Variants in MCM3AP observed in about 807,000 individuals in gnomAD.
The protein encoded by MCM3AP is germinal-center associated nuclear protein.
MCM3AP carries 126 observed loss-of-function variants against 184.1 expected under a neutral mutation model. The observed-to-expected ratio is 0.68, with a 90% CI of 0.59 to 0.79. The LOEUF is 0.79. Ranked by LOEUF, MCM3AP falls within the 30% of genes least tolerant of loss-of-function variation. The pLI, the probability that MCM3AP is intolerant of heterozygous loss-of-function variation, is 0.00. For missense variants in MCM3AP, 2,496 were observed against 2,479.2 expected (o/e 1.01, Z -0.14); for synonymous variants, 1,002 against 979.3 (o/e 1.02, Z -0.43).
chr21:46,268,667 G>A (rs984790897), intron 9 of MCM3AP, among the ~76,000 whole-genome samples: 8 of 152,246 alleles, frequency 5.3e-5, no homozygotes, highest in Non-Finnish European at 7.3e-5. Flanking sequence ...ACAGGGCTGC[G>A]GGGACAGGAG....
intron 26 of MCM3AP, among the ~76,000 whole-genome samples, chr21:46,239,030 A>G (rs1356410269): frequency 6.6e-6 from 1 of 152,246 alleles, no homozygotes; most frequent in Admixed American, 6.5e-5. Flanking sequence ...ACATTTGAGT[A>G]GAGATCTGAA....
Position 46,284,069 on chromosome 21 carries a change from T to C in MCM3AP, c.1218A>G (p.Glu406=). 1.2e-6 allele frequency: 2 copies of C among 1,609,854 alleles called. No individual in the cohort carries two copies. The stretch of plus-strand genomic sequence containing the variant: ...ATGTGCTACATTTTCAGAGCTCACC[T>C]TCTTTCTTCTCTCTACTTTCAGTTT... ...EEETESREKK[E]DSLRGTPARQ... The change falls in exon 1 of 28, where the codon GAA becomes GAG. Residue 406 remains glutamate (E), a splice_region_variant and synonymous_variant. Coordinates refer to ENST00000291688, the MANE Select transcript of MCM3AP (RefSeq NM_003906.5).
intron 1 of MCM3AP, 99 bp downstream of exon 1, chr21:46,283,969 T>C: frequency 2.6e-6 from 4 of 1,544,444 alleles, no homozygotes; most frequent in South Asian, 1.3e-5. Context: ...CCCTAATGTT[T>C]ATGGGAGATT....
intron 11 of MCM3AP, 53 bp downstream of exon 11, chr21:46,265,872 T>C: frequency 6.6e-7 from 1 of 1,506,828 alleles, no homozygotes; most frequent in African/African-American, 1.4e-5. Flanking sequence ...CTGGGAGGCG[T>C]TCTGGTGGGA....
In MCM3AP at chr21:46,240,807, T is replaced by C. The variant is rs1157349389; in HGVS notation, c.5633+4A>G. ...CACATGAATTAGAAGGAAGTGGGCT[T>C]CACCTCTTGTTCTCTTCTTTCTCCA... is the stretch of plus-strand genomic sequence containing the variant. On this transcript the variant is annotated splice_donor_region_variant and intron_variant, in intron 26 of 27. Coordinates refer to ENST00000291688, the MANE Select transcript of MCM3AP (RefSeq NM_003906.5). 5 of 1,613,286 alleles carry C rather than the reference T, an allele frequency of 3.1e-6. No individual in the cohort carries two copies. The highest frequency in any genetic ancestry group is 1.3e-5 in the African/African-American group (1 of 74,900).
intron 2 of MCM3AP, among the ~76,000 whole-genome samples, chr21:46,283,205 G>A (rs901598342): frequency 6.6e-6 from 1 of 152,154 alleles, no homozygotes; most frequent in Non-Finnish European, 1.5e-5. Flanking sequence ...GACTACAAGC[G>A]TAAGCCACCA....
intron 5 of MCM3AP, among the ~76,000 whole-genome samples, chr21:46,276,371 A>C (rs2081255062): frequency 6.6e-6 from 1 of 152,138 alleles, no homozygotes; most frequent in African/African-American, 2.4e-5. Context: ...ACTATATGTT[A>C]TTATATTAAG....
rs750974945 is a variant in MCM3AP, at chr21:46,284,711, G to A, written c.576C>T (p.Phe192=). The A allele has an allele frequency of 9.3e-6, 15 of 1,614,136 alleles. No homozygotes were observed. In the Admixed American group the frequency reaches 1.2e-4, roughly 13 times the overall value. The part of the protein sequence containing the change: ...ISSAPGGLAP[F]SFPQVTSSSA... The stretch of plus-strand genomic sequence containing the variant: ...AACTACTTGTTACTTGAGGAAAAGA[G>A]AAAGGGGCCAGGCCTCCAGGTGCAC... Residue 192 remains phenylalanine (F), a synonymous_variant, in exon 1 of 28, where the codon TTC becomes TTT. Coordinates refer to ENST00000291688, the MANE Select transcript of MCM3AP (RefSeq NM_003906.5).
At chr21:46,271,431 G>A (rs55857195) in intron 8 of MCM3AP, among the ~76,000 whole-genome samples, 1 of 151,538 alleles carries the variant, frequency 6.6e-6, no homozygotes, top group African/African-American at 2.4e-5. Context: ...TGGGCTCAAG[G>A]GATCCTCCCA....
At chr21:46,284,015 A>G (rs891831743) in intron 1 of MCM3AP, 53 bp downstream of exon 1, 2 of 1,568,968 alleles carry the variant, frequency 1.3e-6, no homozygotes, top group African/African-American at 2.7e-5. Context: ...AGAGAAACGT[A>G]TTGAAAACCT....
chr21:46,246,748 G>A lies in MCM3AP; in HGVS notation c.4429C>T (p.Leu1477=), dbSNP rs768768099. ...TGCTTGAGCTGCAGCAAGGCCGACA[G>A]CCAGTACACGTCCTCCTCTGCCATG... ...EDMAEEDVYW[L]SALLQLKQLL... The change falls in exon 21 of 28, where the codon CTG becomes TTG. Residue 1477 remains leucine, a synonymous_variant. Transcript: ENST00000291688. 3.7e-6 allele frequency: 6 copies of A among 1,614,260 alleles called. No individual in the cohort carries two copies. The highest frequency in any genetic ancestry group is 5.1e-6 in the Non-Finnish European group (6 of 1,180,054).
intron 25 of MCM3AP, 199 bp from the exon 26 acceptor site, chr21:46,241,216 G>C: frequency 3.4e-6 from 2 of 585,480 alleles, no homozygotes; most frequent in Non-Finnish European, 6.1e-6. Flanking sequence ...GGAGCAAAGA[G>C]GGAAGGCAGC....
intron 3 of MCM3AP, 97 bp from the exon 4 acceptor site, chr21:46,280,234 T>C: frequency 1.5e-6 from 2 of 1,351,586 alleles, no homozygotes; most frequent in Non-Finnish European, 2.1e-6. Flanking sequence ...ATTATTTTCA[T>C]TGTCACAGGA....
rs1217156932 is a variant in MCM3AP, at chr21:46,245,040, G to A, written c.4805C>T (p.Ser1602Phe). 6.2e-7 allele frequency: 1 copy of A among 1,614,114 alleles called. No individual in the cohort carries two copies. Among genetic ancestry groups the A allele is most frequent in the Non-Finnish European group, 8.5e-7 (1 of 1,180,058 alleles). Residue 1602 changes from serine (S) to phenylalanine (F), a missense_variant, in exon 23 of 28, where the codon TCT becomes TTT. Transcript: ENST00000291688. ...CTCAATGATGGCGCCAGGCTCCTGA[G>A]AAGCAAGACCGCCCAGACGCCTCTC... The part of the protein sequence containing the change: ...RRERRLGGLA[S>F]QEPGAIIELF...
At chr21:46,280,685 G>C (rs1292744240) in intron 2 of MCM3AP, 110 bp from the exon 3 acceptor site, 1 of 717,668 alleles carries the variant, frequency 1.4e-6, no homozygotes, top group African/African-American at 1.8e-5. Context: ...GGCACCAGGA[G>C]CTCCTGTCCT....
chr21:46,258,149 A>C (rs1243622096), intron 16 of MCM3AP, among the ~76,000 whole-genome samples: 1 of 152,190 alleles, frequency 6.6e-6, no homozygotes, highest in Non-Finnish European at 1.5e-5. Context: ...AAGGACAGAA[A>C]GTCTCTGGAT....
In MCM3AP at chr21:46,284,179, CAG is replaced by C. The variant is rs2081369871; in HGVS notation, c.1106_1107del (p.Ser369CysfsTer4). On this transcript the variant is annotated frameshift_variant, in exon 1 of 28. Coordinates refer to ENST00000291688, the MANE Select transcript of MCM3AP (RefSeq NM_003906.5). LOFTEE classifies it high-confidence loss of function. Reference sequence around the variant, plus strand: ...GGGATAGCCATGTGGTCACTTTCTGCAGACTCAACAAAGCCAGTTTCCTTTTT... The same window carrying C: ...GGGATAGCCATGTGGTCACTTTCTGCACTCAACAAAGCCAGTTTCCTTTTT... The part of the protein sequence containing the change: ...EAKKETGFVE[S>X]AESDHMAIPG... 2 of 1,614,110 alleles carry C rather than the reference CAG, an allele frequency of 1.2e-6. No homozygotes were observed. Among genetic ancestry groups the C allele is most frequent in the Non-Finnish European group, 1.7e-6 (2 of 1,180,042 alleles).
rs192544060 is a variant in MCM3AP at position 46,285,473 on chromosome 21, T to C, written c.-187A>G. 1.0e-4 allele frequency: 60 copies of C among 585,956 alleles called. No individual in the cohort carries two copies. Among genetic ancestry groups the C allele is most frequent in the African/African-American group, 1.0e-3 (55 of 53,830 alleles). 36.3% of individuals were successfully genotyped at this position (585,956 alleles called of 1,614,324 possible). A position where few individuals can be genotyped will look rare whatever the true frequency, so the allele number is the denominator to read the frequency against. ...AAAGAATTTTTGAACACTGTCATAC[T>C]AAAAGGATAACTATTTCAAAGGCAG... On this transcript the variant is annotated 5_prime_UTR_variant, in exon 1 of 28. Coordinates refer to ENST00000291688, the MANE Select transcript of MCM3AP (RefSeq NM_003906.5).
At chr21:46,273,960 G>C (rs2145699319) in intron 6 of MCM3AP, among the ~76,000 whole-genome samples, 1 of 152,356 alleles carries the variant, frequency 6.6e-6, no homozygotes, top group African/African-American at 2.4e-5. Context: ...AAGTGAAACA[G>C]AGACAGGCGG....
Sources: allele counts gnomAD v4.1 joint callset (sites outside exome capture counted in the v4.1 genomes callset), GRCh38; gene constraint gnomAD v4.1.1; transcripts MANE v1.5; gene names NCBI Gene and HGNC (gene_info 2026-07-23, HGNC 2026-07-21).